Variants in RAD51B observed in about 807,000 individuals in gnomAD.
RAD51B encodes RAD51 paralog B, also known as DNA repair protein RAD51 homolog 2.
Under a neutral mutation model 42.2 loss-of-function variants are expected in RAD51B, and 38 were observed. The observed-to-expected ratio is 0.90, with a 90% CI of 0.70 to 1.18. The LOEUF is 1.18. Among genes scored for constraint, RAD51B ranks in the 50% most tolerant of loss-of-function variants. RAD51B has a pLI of 0.00. For missense variants in RAD51B, 373 were observed against 400.7 expected (o/e 0.93, Z 0.59); for synonymous variants, 154 against 145.2 (o/e 1.06, Z -0.43).
chr14:68,596,802 T>C (rs1891015578), downstream of RAD51B, among the ~76,000 whole-genome samples: 1 of 152,244 alleles, frequency 6.6e-6, no homozygotes. Context: ...GAAACAGCAC[T>C]GCGAATGTTC....
intron 9 of RAD51B, among the ~76,000 whole-genome samples, chr14:68,435,975 T>G (rs1005621163): frequency 6.6e-6 from 1 of 152,208 alleles, no homozygotes; most frequent in African/African-American, 2.4e-5. Flanking sequence ...TTCTGTAGGT[T>G]GTCTGTTTAC....
chr14:68,076,251 A>C (rs1184427123), intron 7 of RAD51B, among the ~76,000 whole-genome samples: 1 of 151,464 alleles, frequency 6.6e-6, no homozygotes, highest in Admixed American at 6.5e-5. Context: ...AACTTTTTCA[A>C]TGCCTTGTCT....
At chr14:68,078,897 G>A (rs1209646862) in intron 7 of RAD51B, among the ~76,000 whole-genome samples, 2 of 152,126 alleles carry the variant, frequency 1.3e-5, no homozygotes, top group Non-Finnish European at 2.9e-5. Context: ...GGTTGTGGTG[G>A]GGGAATTGCT....
At chr14:68,526,782 G>A (rs969209105) in intron 10 of RAD51B, among the ~76,000 whole-genome samples, 6 of 152,174 alleles carry the variant, frequency 3.9e-5, no homozygotes, top group South Asian at 2.1e-4. Flanking sequence ...CATTCAGGCC[G>A]CTTGGTTCTT....
intron 7 of RAD51B, among the ~76,000 whole-genome samples, chr14:68,131,174 A>G (rs2077883332): frequency 6.6e-6 from 1 of 152,172 alleles, no homozygotes; most frequent in Admixed American, 6.5e-5. Context: ...ACATTGGCAA[A>G]TTTTGTAGAC....
intron 10 of RAD51B, among the ~76,000 whole-genome samples, chr14:68,544,577 C>A (rs17828913): frequency 6.6e-6 from 1 of 152,124 alleles, no homozygotes; most frequent in Non-Finnish European, 1.5e-5. Context: ...CAAGAAAAAT[C>A]TGAAATGGCC....
At chr14:68,182,649 A>G (rs2079078497) in intron 7 of RAD51B, among the ~76,000 whole-genome samples, 1 of 152,202 alleles carries the variant, frequency 6.6e-6, no homozygotes, top group East Asian at 1.9e-4. Context: ...AGAGATGTTT[A>G]ATTTCCTCAC....
At chr14:68,116,865 T>A (rs8011367) in intron 7 of RAD51B, among the ~76,000 whole-genome samples, 15,208 of 146,658 alleles carry the variant, frequency 0.1, 2,272 homozygotes, top group African/African-American at 0.34. Flanking sequence ...ATGTAGAGTT[T>A]TAAGTAAATA....
At chr14:68,459,482 T>C (rs2085788441) in intron 9 of RAD51B, among the ~76,000 whole-genome samples, 1 of 152,198 alleles carries the variant, frequency 6.6e-6, no homozygotes, top group Non-Finnish European at 1.5e-5. Context: ...TGAAGTGAGA[T>C]AATAGGGTCC....
chr14:68,526,478 G>A (rs988648530), intron 10 of RAD51B, among the ~76,000 whole-genome samples: 6 of 152,306 alleles, frequency 3.9e-5, no homozygotes, highest in African/African-American at 1.4e-4. Context: ...ATGAATTACC[G>A]TTGCACACAG....
chr14:68,117,124 C>T (rs1450076766), intron 7 of RAD51B, among the ~76,000 whole-genome samples: 1 of 152,054 alleles, frequency 6.6e-6, no homozygotes, highest in African/African-American at 2.4e-5. Context: ...AGAGCGTGCT[C>T]CTGCATTAGG....
intron 3 of RAD51B, among the ~76,000 whole-genome samples, chr14:67,831,832 C>CCACACCCAGCTGATT (rs1256987215): frequency 4.6e-5 from 7 of 151,814 alleles, no homozygotes; most frequent in Non-Finnish European, 7.4e-5. Context: ...GCGTGAGCCA[C>CCACACCCAGCTGATT]CACACCCAGC....
At chr14:68,028,598 G>A (rs1431770060) in intron 7 of RAD51B, among the ~76,000 whole-genome samples, 1 of 152,182 alleles carries the variant, frequency 6.6e-6, no homozygotes, top group Non-Finnish European at 1.5e-5. Flanking sequence ...GACCCTCAGA[G>A]TTGGGTTTTG....
At chr14:68,349,023 A>G (rs989116572) in intron 8 of RAD51B, among the ~76,000 whole-genome samples, 5 of 152,252 alleles carry the variant, frequency 3.3e-5, no homozygotes, top group Non-Finnish European at 7.3e-5. Flanking sequence ...CTGTAGTGTG[A>G]AGTCACCATA....
chr14:67,938,528 G>C (rs188588210), intron 7 of RAD51B, among the ~76,000 whole-genome samples: 1 of 152,274 alleles, frequency 6.6e-6, no homozygotes, highest in African/African-American at 2.4e-5. Context: ...CTATCCTTTA[G>C]AACATAGCCC....
At chr14:68,018,080 A>T (rs1240441525) in intron 7 of RAD51B, among the ~76,000 whole-genome samples, 1 of 152,204 alleles carries the variant, frequency 6.6e-6, no homozygotes, top group Non-Finnish European at 1.5e-5. Context: ...ATTGATAGTT[A>T]TATTGTTCTA....
At chr14:68,359,158 C>T (rs1319101794) in intron 8 of RAD51B, among the ~76,000 whole-genome samples, 1 of 151,846 alleles carries the variant, frequency 6.6e-6, no homozygotes, top group African/African-American at 2.4e-5. Flanking sequence ...CGAAAAACCA[C>T]GGGGGAGGAA....
At chr14:68,453,562 A>G (rs1178254918) in intron 9 of RAD51B, among the ~76,000 whole-genome samples, 4 of 152,236 alleles carry the variant, frequency 2.6e-5, no homozygotes, top group South Asian at 2.1e-4. Context: ...GATAAAAGCC[A>G]TAATTTATCT....
chr14:68,374,147 C>A (rs1345070489), intron 8 of RAD51B, among the ~76,000 whole-genome samples: 1 of 152,224 alleles, frequency 6.6e-6, no homozygotes, highest in Non-Finnish European at 1.5e-5. Context: ...AATCCTGGCA[C>A]TTTCCCTCAG....
Sources: gnomAD v4.1 joint callset for allele counts (sites outside exome capture counted in the v4.1 genomes callset) on GRCh38, gnomAD v4.1.1 for gene constraint, MANE v1.5 for transcripts, NCBI Gene and HGNC (gene_info 2026-07-23, HGNC 2026-07-21) for gene names.